ATAD2B: variants seen among roughly 807,000 people sequenced by gnomAD.
ATAD2B encodes ATPase family AAA domain-containing protein 2B.
In ATAD2B, 40 loss-of-function variants were observed where a neutral mutation model predicts 167.6. The observed-to-expected ratio is 0.24, with a 90% CI of 0.19 to 0.31. The LOEUF is 0.31. Ranked by LOEUF, ATAD2B falls within the 10% of genes least tolerant of loss-of-function variation. The probability of loss-of-function intolerance (pLI) is 1.00; values close to 1 mark genes in which losing one functional copy is unlikely to be tolerated. For missense variants in ATAD2B, 1,242 were observed against 1,757.2 expected, an observed-to-expected ratio of 0.71 and a Z score of 5.24; for synonymous variants, 579 against 596.5, an observed-to-expected ratio of 0.97 and a Z score of 0.43.
intron 1 of ATAD2B, among the ~76,000 whole-genome samples, chr2:23,909,597 C>T (rs1481173383): frequency 3.3e-5 from 5 of 151,898 alleles, no homozygotes; most frequent in Admixed American, 6.6e-5. Context: ...ACCCATAGTA[C>T]ATGTGCCATG....
chr2:23,841,231 T>C (rs1228885872), intron 13 of ATAD2B, among the ~76,000 whole-genome samples: 1 of 150,518 alleles, frequency 6.6e-6, no homozygotes, highest in Non-Finnish European at 1.5e-5. Context: ...TGAGCCACCA[T>C]GTGCAGCCTA....
Position 23,857,498 on chromosome 2 carries a change from A to G in ATAD2B, c.1485T>C (p.Tyr495=). The change falls in exon 13 of 28, where the codon TAT becomes TAC. Residue 495 remains tyrosine, a synonymous_variant. Coordinates refer to ENST00000238789, the MANE Select transcript of ATAD2B (RefSeq NM_017552.4). ...RQLRLLFDQA[Y]LMRPSIIFFD... ...AAAATATTATAGAAGGTCTCATCAAATATGCCTAGTAAGAAGAAAACAAAT... is the reference window on the plus strand; with the variant it reads ...AAAATATTATAGAAGGTCTCATCAAGTATGCCTAGTAAGAAGAAAACAAAT... The G allele has an allele frequency of 7.1e-7, 1 of 1,400,628 alleles. No individual in the cohort carries two copies. Among genetic ancestry groups the G allele is most frequent in the Non-Finnish European group, 9.5e-7 (1 of 1,050,776 alleles). 86.8% of individuals were successfully genotyped at this position (1,400,628 alleles called of 1,614,324 possible).
At chr2:23,696,753 T>A in the ATAD2B span, 3 of 459,736 alleles carry the variant, frequency 6.5e-6, no homozygotes, top group Non-Finnish European at 7.7e-6. The surrounding 1 kb of genome is among the most constrained non-coding windows in gnomAD (Gnocchi z 5.5). Context: ...GATGGGGCGC[T>A]TCTGTCCCGA....
At chr2:23,744,051 C>G (rs1674661884), downstream of ATAD2B, among the ~76,000 whole-genome samples, 1 of 152,030 alleles carries the variant, frequency 6.6e-6, no homozygotes, top group African/African-American at 2.4e-5. Flanking sequence ...TACATAGACA[C>G]AATAATGCAA....
At position 23,887,942 on chromosome 2, in the gene ATAD2B, C is replaced by T. The variant is rs1408889946; in HGVS notation, c.462G>A (p.Gly154=). The T allele has an allele frequency of 3.1e-6, 5 of 1,607,794 alleles. No homozygotes were observed. The highest frequency in any genetic ancestry group is 3.4e-6 in the Non-Finnish European group (4 of 1,177,878). ...TGTCACCATTTATACAAGAAAGGTC[C>T]CCATCTCCCTTCTTTTCCCCTCGAA... ...HPLRGEKKGD[G]DLSCINGDME... Residue 154 remains glycine, a synonymous_variant, in exon 4 of 28, where the codon GGG becomes GGA. Transcript: ENST00000238789.
chr2:23,833,161 C>T (rs1689337162), intron 14 of ATAD2B, among the ~76,000 whole-genome samples: 1 of 152,192 alleles, frequency 6.6e-6, no homozygotes, highest in Non-Finnish European at 1.5e-5. Context: ...AAGCCATTGC[C>T]TTTGTTTCTC....
At chr2:23,859,109 T>C (rs1054990464) in intron 12 of ATAD2B, among the ~76,000 whole-genome samples, 1 of 152,138 alleles carries the variant, frequency 6.6e-6, no homozygotes, top group East Asian at 1.9e-4. Flanking sequence ...CAGCAATGTA[T>C]TATCAAACTT....
At chr2:23,703,476 A>G in the ATAD2B span, 1 of 1,172,988 alleles carries the variant, frequency 8.5e-7, no homozygotes, top group Non-Finnish European at 1.2e-6. Context: ...GCTAAGCCCA[A>G]CAGCTCTGCA....
At chr2:23,684,452 A>T in the ATAD2B span, 1 of 1,551,004 alleles carries the variant, frequency 6.4e-7, no homozygotes, top group Non-Finnish European at 8.7e-7. The surrounding 1 kb of genome is among the most constrained non-coding windows in gnomAD (Gnocchi z 4.4). Context: ...TACAGACCTG[A>T]AAATTGTTGT....
the ATAD2B span, among the ~76,000 whole-genome samples, chr2:23,693,870 G>A: frequency 2.0e-5 from 3 of 152,166 alleles, no homozygotes; most frequent in South Asian, 4.1e-4. Flanking sequence ...TGGACAGCCC[G>A]CAATGGACCA....
chr2:23,898,004 A>C (rs893434520), intron 1 of ATAD2B, among the ~76,000 whole-genome samples: 1 of 152,172 alleles, frequency 6.6e-6, no homozygotes, highest in African/African-American at 2.4e-5. Flanking sequence ...GTCTCAATCT[A>C]TGTGATCATG....
chr2:23,741,394 T>C, the ATAD2B span, among the ~76,000 whole-genome samples: 2 of 152,028 alleles, frequency 1.3e-5, no homozygotes, highest in African/African-American at 4.8e-5. Flanking sequence ...TCAGAAATAA[T>C]GCCACATATC....
In ATAD2B at chr2:23,926,926, G is replaced by C. The variant is rs987487180; in HGVS notation, c.-156C>G. On this transcript the variant is annotated 5_prime_UTR_variant, in exon 1 of 28. Transcript: ENST00000238789. ...GCGCAGACGAGCACAAGAGAGAGCC[G>C]GGCAGAGGAAGGGAAGTCGGCGTGA... 17 of 910,944 alleles carry C rather than the reference G, an allele frequency of 1.9e-5. No individual in the cohort carries two copies. The highest frequency in any genetic ancestry group is 1.4e-4 in the African/African-American group (8 of 56,182). 56.4% of individuals were successfully genotyped at this position (910,944 alleles called of 1,614,324 possible). A position where few individuals can be genotyped will look rare whatever the true frequency, so the allele number is the denominator to read the frequency against.
intron 2 of ATAD2B, among the ~76,000 whole-genome samples, chr2:23,893,342 A>G (rs1387503204): frequency 6.6e-6 from 1 of 152,148 alleles, no homozygotes; most frequent in African/African-American, 2.4e-5. Flanking sequence ...ATTTCTAACA[A>G]ATTATTTTTT....
chr2:23,903,803 A>AT (rs1701119482), intron 1 of ATAD2B, among the ~76,000 whole-genome samples: 1 of 152,244 alleles, frequency 6.6e-6, no homozygotes, highest in Admixed American at 6.5e-5. Flanking sequence ...TCAAAACTTG[A>AT]TGACGGCCTC....
At position 23,757,787 on chromosome 2, in the gene ATAD2B, C is replaced by T; in HGVS notation, c.3709G>A (p.Glu1237Lys). The change falls in exon 25 of 28, where the codon GAA becomes AAA. Residue 1237 changes from glutamate (E) to lysine (K), a missense_variant. By Grantham distance (56) the Glu-to-Lys change is moderately conservative. This residue lies in a region of ATAD2B where 282 missense variants were observed against 346.8 expected (regional missense o/e 0.81). Coordinates refer to ENST00000238789, the MANE Select transcript of ATAD2B (RefSeq NM_017552.4). ...TKENFASTEE[E>K]SSNESLLVNS... ...ACCAGTAGAGATTCATTTGAACTTT[C>T]CTCCTCAGTAGATGCAAAGTTCTCT... The T allele has an allele frequency of 1.3e-6, 2 of 1,577,410 alleles. No homozygotes were observed. The highest frequency in any genetic ancestry group is 1.7e-6 in the Non-Finnish European group (2 of 1,166,430).
At position 23,782,862 on chromosome 2, in the gene ATAD2B, TC is replaced by T. The variant is rs1558525426; in HGVS notation, c.3133+6del. 5.0e-6 allele frequency: 8 copies of T among 1,605,414 alleles called. No homozygotes were observed. Among genetic ancestry groups the T allele is most frequent in the Non-Finnish European group, 6.0e-6 (7 of 1,175,752 alleles). On this transcript the variant is annotated splice_donor_region_variant and intron_variant, in intron 22 of 27. Transcript: ENST00000238789. The stretch of plus-strand genomic sequence containing the variant: ...ATCAAGGGGAACCTTGCCCTATGCA[TC>T]CTTACCTCCTGGGTCCTTATCTGGA...
At chr2:23,795,211 C>T (rs1682414159) in intron 19 of ATAD2B, among the ~76,000 whole-genome samples, 1 of 152,112 alleles carries the variant, frequency 6.6e-6, no homozygotes, top group African/African-American at 2.4e-5. Context: ...CAGATAATTA[C>T]TATTAACATT....
Position 23,869,710 on chromosome 2 carries a change from T to C in ATAD2B, c.1029A>G (p.Glu343=). 1 of 1,569,008 alleles carries C rather than the reference T, an allele frequency of 6.4e-7. No homozygotes were observed. The highest frequency in any genetic ancestry group is 8.7e-7 in the Non-Finnish European group (1 of 1,154,974). ...TCTTTGATTTCCTTCTTTCAAAGCG[T>C]TCCTCATCAGAAGAAGTTGTGTCAC... ...HSSDTTSSDE[E]RFERRKSKSM... Residue 343 remains glutamate (E), a synonymous_variant, in exon 9 of 28, where the codon GAA becomes GAG. Transcript: ENST00000238789.
Sources: gnomAD v4.1 joint callset for allele counts (sites outside exome capture counted in the v4.1 genomes callset) on GRCh38, gnomAD v4.1.1 for gene constraint, gnomAD v4.1.1 regional missense constraint, Gnocchi (gnomAD v3.1) non-coding constraint, MANE v1.5 for transcripts, NCBI Gene and HGNC (gene_info 2026-07-23, HGNC 2026-07-21) for gene names.